Variants in ZBTB46 observed in about 807,000 individuals in gnomAD.
The protein encoded by ZBTB46 is zinc finger and BTB domain-containing protein 46.
A neutral mutation model predicts 44.1 loss-of-function variants in ZBTB46; 8 were observed. The ratio of observed to expected loss-of-function variants is 0.18; its 90% CI spans 0.11 to 0.33. The LOEUF (loss-of-function observed/expected upper bound fraction) is 0.33. Ranked by LOEUF, ZBTB46 falls within the 10% of genes least tolerant of loss-of-function variation. The pLI is 1.00. For missense variants in ZBTB46, 651 were observed against 847.7 expected (o/e 0.77, Z 2.88); for synonymous variants, 409 against 382.3 (o/e 1.07, Z -0.81).
At chr20:63,833,681 C>T (rs950338427), upstream of ZBTB46, among the ~76,000 whole-genome samples, 3 of 152,202 alleles carry the variant, frequency 2.0e-5, no homozygotes, top group Non-Finnish European at 2.9e-5. Context: ...CCCCACTCCT[C>T]CCCGCTTCCC....
At chr20:63,761,599 T>C (rs1568838157) in intron 3 of ZBTB46, among the ~76,000 whole-genome samples, 1 of 151,966 alleles carries the variant, frequency 6.6e-6, no homozygotes, top group Non-Finnish European at 1.5e-5. Context: ...CTGGCCAATA[T>C]AGTGGAACTC....
chr20:63,792,348 G>A (rs888838616), intron 1 of ZBTB46, among the ~76,000 whole-genome samples: 1 of 152,188 alleles, frequency 6.6e-6, no homozygotes, highest in Non-Finnish European at 1.5e-5. Context: ...GTGTTTAATA[G>A]GAGAAAACTA....
intron 1 of ZBTB46, among the ~76,000 whole-genome samples, chr20:63,792,418 G>GTGGGAC (rs2092568530): frequency 8.3e-6 from 1 of 121,064 alleles, no homozygotes; most frequent in Admixed American, 7.9e-5. Context: ...CAGCCCTCAT[G>GTGGGAC]GGGGACGGGG....
chr20:63,751,885 T>G (rs914646825), intron 4 of ZBTB46, among the ~76,000 whole-genome samples: 16 of 150,094 alleles, frequency 1.1e-4, no homozygotes, highest in Admixed American at 9.9e-4. Flanking sequence ...GGAGCTCGGC[T>G]CCTGCAGGTC....
rs2092088337 is a variant in ZBTB46 at position 63,746,247 on chromosome 20, C to T, written c.*683G>A. Reference sequence around the variant, plus strand: ...GCCTGAAGTGGTGGGGGGCACAGGGCTGAGGGTCCCCTCCTGGAAGGAGCC... The same window carrying T: ...GCCTGAAGTGGTGGGGGGCACAGGGTTGAGGGTCCCCTCCTGGAAGGAGCC... On this transcript the variant is annotated 3_prime_UTR_variant, in exon 5 of 5. Coordinates refer to ENST00000245663, the MANE Select transcript of ZBTB46 (RefSeq NM_001369741.1). The T allele has an allele frequency of 6.5e-6, 1 of 152,836 alleles. No homozygotes were observed. Among genetic ancestry groups the T allele is most frequent in the African/African-American group, 2.4e-5 (1 of 41,470 alleles). 9.5% of individuals were successfully genotyped at this position (152,836 alleles called of 1,614,324 possible).
chr20:63,780,797 G>T (rs146094135), intron 2 of ZBTB46, among the ~76,000 whole-genome samples: 1 of 149,098 alleles, frequency 6.7e-6, no homozygotes, highest in African/African-American at 2.5e-5. Flanking sequence ...ATGATACTCC[G>T]TCTCAAAAAA....
intron 1 of ZBTB46, among the ~76,000 whole-genome samples, chr20:63,794,643 TG>T (rs1350202504): frequency 6.6e-6 from 1 of 152,182 alleles, no homozygotes; most frequent in Non-Finnish European, 1.5e-5. Flanking sequence ...AATCTGCTCG[TG>T]GGGCCACGTC....
rs1018701794 is a variant in ZBTB46 at position 63,744,358 on chromosome 20, T to G, written c.*2572A>C. On this transcript the variant is annotated 3_prime_UTR_variant, in exon 5 of 5. Transcript: ENST00000245663. The stretch of plus-strand genomic sequence containing the variant: ...CAGAGAGCCCCAGTGTACAACCTGG[T>G]CAGGATCCAGAGCTTGACAGAAAAA... 1 of 152,204 alleles carries G rather than the reference T, an allele frequency of 6.6e-6. No homozygotes were observed. Among genetic ancestry groups the G allele is most frequent in the Non-Finnish European group, 1.5e-5 (1 of 68,050 alleles). 9.4% of individuals were successfully genotyped at this position (152,204 alleles called of 1,614,324 possible).
In ZBTB46 at chr20:63,775,966, G is replaced by A; in HGVS notation, c.938-4C>T. ...TCGGTGACGGACAGGTCCGCATCTG[G>A]GGACAGAGGGACACACGTCAGAAGA... is the stretch of plus-strand genomic sequence containing the variant. On this transcript the variant is annotated splice_polypyrimidine_tract_variant and splice_region_variant and intron_variant, in intron 2 of 4. Transcript: ENST00000245663. 1 of 1,543,260 alleles carries A rather than the reference G, an allele frequency of 6.5e-7. No homozygotes were observed. Among genetic ancestry groups the A allele is most frequent in the Non-Finnish European group, 8.7e-7 (1 of 1,150,352 alleles).
chr20:63,759,030 C>T (rs762101377), intron 3 of ZBTB46, among the ~76,000 whole-genome samples: 2 of 152,172 alleles, frequency 1.3e-5, no homozygotes, highest in Non-Finnish European at 2.9e-5. Context: ...TGGTGCCCAG[C>T]GGAGATTCAC....
chr20:63,771,811 T>C (rs1232631439), intron 3 of ZBTB46, among the ~76,000 whole-genome samples: 4 of 152,094 alleles, frequency 2.6e-5, no homozygotes, highest in African/African-American at 9.7e-5. Context: ...ATTATTTACC[T>C]CAGTGCATGC....
At chr20:63,774,146 G>A (rs907945360) in intron 3 of ZBTB46, among the ~76,000 whole-genome samples, 3 of 135,688 alleles carry the variant, frequency 2.2e-5, no homozygotes, top group African/African-American at 8.5e-5. Context: ...TCCCGTCTGT[G>A]CAGTGCTCAG....
chr20:63,761,565 C>A (rs953723564), intron 3 of ZBTB46, among the ~76,000 whole-genome samples: 3 of 152,104 alleles, frequency 2.0e-5, no homozygotes, highest in East Asian at 3.9e-4. Context: ...AGGTGGATCA[C>A]AAGGTCAGGA....
In ZBTB46 at chr20:63,745,429, G is replaced by A. The variant is rs1380150558; in HGVS notation, c.*1501C>T. 3 of 152,272 alleles carry A rather than the reference G, an allele frequency of 2.0e-5. No homozygotes were observed. The highest frequency in any genetic ancestry group is 1.3e-4 in the Admixed American group (2 of 15,288). The allele number at this position is 152,272 out of a possible 1,614,324, so 9.4% of individuals were successfully genotyped here. A position where few individuals can be genotyped will look rare whatever the true frequency, so the allele number is the denominator to read the frequency against. On this transcript the variant is annotated 3_prime_UTR_variant, in exon 5 of 5. Coordinates refer to ENST00000245663, the MANE Select transcript of ZBTB46 (RefSeq NM_001369741.1). ...CCCCCGGCCAGCCCCAGCCCTCCCC[G>A]AGCAGCAGCGGTCAGGGAAGCTGGT...
At chr20:63,786,747 T>A (rs1405578444) in intron 2 of ZBTB46, among the ~76,000 whole-genome samples, 1 of 152,160 alleles carries the variant, frequency 6.6e-6, no homozygotes, top group East Asian at 1.9e-4. Flanking sequence ...CCTGACCTTG[T>A]GATCCGCCCG....
chr20:63,788,512 G>A (rs764110014), intron 2 of ZBTB46, among the ~76,000 whole-genome samples: 2 of 152,268 alleles, frequency 1.3e-5, no homozygotes, highest in Middle Eastern at 3.4e-3. Context: ...TAATAGGCAG[G>A]ACCCAAGGGG....
intron 3 of ZBTB46, among the ~76,000 whole-genome samples, chr20:63,759,303 G>A (rs2092253409): frequency 6.6e-6 from 1 of 152,152 alleles, no homozygotes; most frequent in Non-Finnish European, 1.5e-5. Flanking sequence ...AAAAATCTAA[G>A]TTTCTAGATT....
chr20:63,831,720 G>C (rs2092853465), upstream of ZBTB46, among the ~76,000 whole-genome samples: 1 of 150,828 alleles, frequency 6.6e-6, no homozygotes, highest in South Asian at 2.1e-4. Flanking sequence ...CCCGGGCCGC[G>C]CACCGGGCGC....
intron 1 of ZBTB46, among the ~76,000 whole-genome samples, chr20:63,817,728 AAAAGG>A (rs1302333883): frequency 2.0e-5 from 3 of 151,784 alleles, no homozygotes; most frequent in Admixed American, 6.6e-5. Context: ...AAAAAAAAAA[AAAAGG>A]AAGAAGAAGA....
Sources: gnomAD v4.1 joint callset for allele counts (sites outside exome capture counted in the v4.1 genomes callset) on GRCh38, gnomAD v4.1.1 for gene constraint, MANE v1.5 for transcripts, NCBI Gene and HGNC (gene_info 2026-07-23, HGNC 2026-07-21) for gene names.